Variants in LRMDA observed in about 807,000 individuals in gnomAD.
LRMDA encodes leucine-rich melanocyte differentiation-associated protein.
A neutral mutation model predicts 29.8 loss-of-function variants in LRMDA; 18 were observed. The observed-to-expected ratio is 0.60, with a 90% CI of 0.42 to 0.90. The LOEUF (loss-of-function observed/expected upper bound fraction) is 0.90. Ranked by LOEUF, LRMDA falls within the 40% of genes least tolerant of loss-of-function variation. The pLI, the probability that LRMDA is intolerant of heterozygous loss-of-function variation, is 0.00. For synonymous variants in LRMDA, 125 were observed against 109.4 expected, an observed-to-expected ratio of 1.14 and a Z score of -0.89; for missense variants, 273 against 273.9, an observed-to-expected ratio of 1.00 and a Z score of 0.02.
intron 6 of LRMDA, among the ~76,000 whole-genome samples, chr10:76,458,075 G>C (rs577311614): frequency 6.7e-6 from 1 of 148,316 alleles, no homozygotes; most frequent in East Asian, 2.0e-4. Context: ...CATTTTTTAG[G>C]CCATTTCACT....
At chr10:76,211,464 C>T (rs1181443230) in intron 5 of LRMDA, among the ~76,000 whole-genome samples, 1 of 152,242 alleles carries the variant, frequency 6.6e-6, no homozygotes. Flanking sequence ...TCTTACTACA[C>T]ATCCAATAGC....
intron 6 of LRMDA, among the ~76,000 whole-genome samples, chr10:76,414,076 G>C (rs1366441531): frequency 2.0e-5 from 3 of 152,194 alleles, no homozygotes; most frequent in Admixed American, 2.0e-4. Context: ...TCAAGCACTA[G>C]GTTGTACTTG....
At chr10:75,815,848 A>G (rs1482949764) in intron 2 of LRMDA, among the ~76,000 whole-genome samples, 1 of 152,250 alleles carries the variant, frequency 6.6e-6, no homozygotes, top group Non-Finnish European at 1.5e-5. Context: ...GTATTAATTC[A>G]CTTAATCATC....
intron 2 of LRMDA, among the ~76,000 whole-genome samples, chr10:75,806,386 T>C (rs1330793108): frequency 6.6e-6 from 1 of 152,236 alleles, no homozygotes; most frequent in Non-Finnish European, 1.5e-5. Flanking sequence ...TAGTTGTTCA[T>C]GTTTATTTAT....
At chr10:75,621,495 C>T (rs1034566903) in intron 2 of LRMDA, among the ~76,000 whole-genome samples, 1 of 152,090 alleles carries the variant, frequency 6.6e-6, no homozygotes, top group Admixed American at 6.5e-5. Context: ...TTTTCCTCCC[C>T]ATTCTCAGTC....
At chr10:75,469,890 T>G (rs1393994435) in intron 2 of LRMDA, among the ~76,000 whole-genome samples, 2 of 152,174 alleles carry the variant, frequency 1.3e-5, no homozygotes, top group Non-Finnish European at 2.9e-5. Context: ...TTGGTCTCCA[T>G]GGACTTCTCT....
intron 6 of LRMDA, among the ~76,000 whole-genome samples, chr10:76,454,174 T>C (rs184692215): frequency 6.6e-6 from 1 of 152,312 alleles, no homozygotes; most frequent in East Asian, 1.9e-4. Context: ...TTTTGAATTC[T>C]TTGGTCTGGT....
chr10:75,989,366 C>T (rs76778333), intron 2 of LRMDA, among the ~76,000 whole-genome samples: 342 of 152,294 alleles, frequency 2.2e-3, no homozygotes, highest in African/African-American at 5.7e-3. Context: ...GCAAAGAGGG[C>T]GCTGGCACTT....
chr10:75,565,767 G>T (rs1003947122), intron 2 of LRMDA, among the ~76,000 whole-genome samples: 1 of 152,182 alleles, frequency 6.6e-6, no homozygotes, highest in African/African-American at 2.4e-5. Context: ...AATCATTGGG[G>T]TCATGTATGA....
chr10:75,750,720 G>A (rs868395114), intron 2 of LRMDA, among the ~76,000 whole-genome samples: 1 of 149,716 alleles, frequency 6.7e-6, no homozygotes, highest in Non-Finnish European at 1.5e-5. Context: ...CCCAGACGGG[G>A]CGGGGGGGCA....
intron 6 of LRMDA, among the ~76,000 whole-genome samples, chr10:76,522,442 C>T (rs1379564789): frequency 2.6e-5 from 4 of 152,144 alleles, no homozygotes; most frequent in Admixed American, 2.6e-4. Context: ...GATAAACAGT[C>T]AATAAATATT....
At chr10:75,669,176 T>C (rs1841861419) in intron 2 of LRMDA, among the ~76,000 whole-genome samples, 1 of 152,216 alleles carries the variant, frequency 6.6e-6, no homozygotes, top group Admixed American at 6.5e-5. Flanking sequence ...CATCTATGAA[T>C]TGGTGTCACC....
rs1420555166 is a variant in LRMDA at position 76,557,720 on chromosome 10, A to T, written c.*432A>T. On this transcript the variant is annotated 3_prime_UTR_variant, in exon 7 of 7. Transcript: ENST00000611255. ...ATTGAATTGAAATCCCTCTGATACC[A>T]TCGTGCTGTGGGCTTATTTTTAGTG... 123 of 174,790 alleles carry T rather than the reference A, an allele frequency of 7.0e-4. No homozygotes were observed. The highest frequency in any genetic ancestry group is 3.7e-5 in the Non-Finnish European group (3 of 82,040). 10.8% of individuals were successfully genotyped at this position (174,790 alleles called of 1,614,324 possible). A position where few individuals can be genotyped will look rare whatever the true frequency, so the allele number is the denominator to read the frequency against.
intron 5 of LRMDA, among the ~76,000 whole-genome samples, chr10:76,061,936 A>T (rs1242878984): frequency 1.3e-5 from 2 of 152,172 alleles, no homozygotes; most frequent in Non-Finnish European, 2.9e-5. Flanking sequence ...TCCTTGCTGA[A>T]TTAATAAATT....
chr10:76,549,269 C>A (rs1843459317), intron 6 of LRMDA, among the ~76,000 whole-genome samples: 2 of 152,142 alleles, frequency 1.3e-5, no homozygotes. Context: ...GCCTTGCCTG[C>A]TGATCACCTT....
intron 6 of LRMDA, among the ~76,000 whole-genome samples, chr10:76,378,858 C>CTTTTTT (rs144037195): frequency 8.4e-6 from 1 of 118,966 alleles, no homozygotes; most frequent in African/African-American, 3.3e-5. Flanking sequence ...CTTTTTTTTT[C>CTTTTTT]TTTTTTTTTT....
chr10:75,995,908 G>A (rs1301578111), intron 2 of LRMDA, among the ~76,000 whole-genome samples: 4 of 152,124 alleles, frequency 2.6e-5, no homozygotes, highest in African/African-American at 4.8e-5. Flanking sequence ...TAGGCACCCT[G>A]AGGATATCTC....
In LRMDA at chr10:75,619,617, C is replaced by G. The variant is rs142545591; in HGVS notation, c.131+181123C>G. On this transcript the variant is annotated intron_variant, in intron 2 of 6. Transcript: ENST00000611255. ...CATCTCCCAACCTGTATTTCTAGCT[C>G]ATTTTCTCTGAACGTTTCTTCAGCA... 4.6e-4 allele frequency among the ~76,000 whole-genome samples: 70 copies of G among 152,290 alleles called. 1 individual carries two copies. The highest frequency in any genetic ancestry group is 1.6e-3 in the African/African-American group (68 of 41,564).
At chr10:75,975,963 A>T (rs1450321015) in intron 2 of LRMDA, among the ~76,000 whole-genome samples, 1 of 152,186 alleles carries the variant, frequency 6.6e-6, no homozygotes, top group East Asian at 1.9e-4. Flanking sequence ...TAGCTTCCAA[A>T]CTGCTCTCTT....
Sources: gnomAD v4.1 joint callset for allele counts (sites outside exome capture counted in the v4.1 genomes callset) on GRCh38, gnomAD v4.1.1 for gene constraint, MANE v1.5 for transcripts, NCBI Gene and HGNC (gene_info 2026-07-23, HGNC 2026-07-21) for gene names.